The following MYBPC1 variants were observed in gnomAD, a reference collection of about 807,000 sequenced individuals.
MYBPC1 encodes myosin-binding protein C, slow-type.
MYBPC1 carries 52 observed loss-of-function variants against 147.1 expected under a neutral mutation model. That is an observed-to-expected ratio of 0.35 (90% confidence interval 0.28 to 0.45). The LOEUF is 0.45. Among genes scored for constraint, MYBPC1 ranks in the 20% least tolerant of loss-of-function variants. The pLI is 1.00. For synonymous variants in MYBPC1, 477 were observed against 475.9 expected, an observed-to-expected ratio of 1.00 and a Z score of -0.03; for missense variants, 1,228 against 1,440.3, an observed-to-expected ratio of 0.85 and a Z score of 2.39.
chr12:101,627,341 C>G (rs886281272), intron 4 of MYBPC1, among the ~76,000 whole-genome samples: 1 of 152,094 alleles, frequency 6.6e-6, no homozygotes, highest in African/African-American at 2.4e-5. Context: ...CTCCCAGGTT[C>G]AAGTGATTCT....
At chr12:101,651,129 A>G in intron 15 of MYBPC1, 102 bp from the exon 16 acceptor site, 1 of 1,279,726 alleles carries the variant, frequency 7.8e-7, no homozygotes, top group Non-Finnish European at 1.1e-6. Context: ...CACTTTCAAA[A>G]CAAACATTGT....
chr12:101,595,363 T>A (rs1458867118), intron 1 of MYBPC1, among the ~76,000 whole-genome samples: 1 of 152,210 alleles, frequency 6.6e-6, no homozygotes, highest in Non-Finnish European at 1.5e-5. Flanking sequence ...TAAAGAATCC[T>A]TAAAGTGTAA....
At position 101,670,246 on chromosome 12, in the gene MYBPC1, T is replaced by C. The variant is rs1427950904; in HGVS notation, c.2525-75T>C. Reference sequence around the variant, plus strand: ...CACAAGGGTACGCTGGTGAGCATCATGCCATTTTGCTTTTGTAAGGCTATT... The same window carrying C: ...CACAAGGGTACGCTGGTGAGCATCACGCCATTTTGCTTTTGTAAGGCTATT... On this transcript the variant is annotated intron_variant, in intron 23 of 31. Coordinates refer to ENST00000361466, the MANE Select transcript of MYBPC1 (RefSeq NM_002465.4). The C allele has an allele frequency of 3.4e-5, 39 of 1,139,822 alleles. No homozygotes were observed. In the South Asian group the frequency reaches 4.3e-4, roughly 13 times the overall value. 70.6% of individuals were successfully genotyped at this position (1,139,822 alleles called of 1,614,324 possible).
intron 2 of MYBPC1, 132 bp from the exon 3 acceptor site, chr12:101,617,070 C>A: frequency 1.3e-6 from 1 of 770,222 alleles, no homozygotes; most frequent in Non-Finnish European, 2.3e-6. Flanking sequence ...ATGTACAGCA[C>A]GAGTATTCAG....
At chr12:101,605,068 A>G (rs760081891) in intron 1 of MYBPC1, among the ~76,000 whole-genome samples, 9 of 152,228 alleles carry the variant, frequency 5.9e-5, no homozygotes, top group Non-Finnish European at 1.3e-4. Context: ...AGGAAAACAC[A>G]GAAACTCTTA....
At chr12:101,611,946 A>G (rs1163719793) in intron 1 of MYBPC1, among the ~76,000 whole-genome samples, 1 of 151,978 alleles carries the variant, frequency 6.6e-6, no homozygotes, top group East Asian at 1.9e-4. Flanking sequence ...ACATGGTGGC[A>G]TGCACCTATA....
At chr12:101,668,858 G>A (rs775709819) in intron 23 of MYBPC1, among the ~76,000 whole-genome samples, 11 of 152,088 alleles carry the variant, frequency 7.2e-5, no homozygotes, top group Admixed American at 1.3e-4. Flanking sequence ...AGGCTGAGGC[G>A]GGCAGATCAC....
At chr12:101,603,767 C>G (rs1453182511) in intron 1 of MYBPC1, among the ~76,000 whole-genome samples, 3 of 152,058 alleles carry the variant, frequency 2.0e-5, no homozygotes, top group African/African-American at 7.2e-5. Context: ...CATGGTGAAA[C>G]AGCATGAAAA....
chr12:101,691,915 T>A, the MYBPC1 span, among the ~76,000 whole-genome samples: 1 of 152,258 alleles, frequency 6.6e-6, no homozygotes, highest in Admixed American at 6.5e-5. Flanking sequence ...AAAGATAGTC[T>A]GCATTACAAG....
At chr12:101,657,588 C>T (rs926265008) in intron 18 of MYBPC1, among the ~76,000 whole-genome samples, 8 of 152,142 alleles carry the variant, frequency 5.3e-5, no homozygotes, top group African/African-American at 1.7e-4. Context: ...AATTTCACAA[C>T]CTAGTTGAAA....
rs9989014 is a variant in MYBPC1, at chr12:101,606,435, T to G, written c.26-8061T>G. On this transcript the variant is annotated intron_variant, in intron 1 of 31. Coordinates refer to ENST00000361466, the MANE Select transcript of MYBPC1 (RefSeq NM_002465.4). The stretch of plus-strand genomic sequence containing the variant: ...AGCTCCTGAAGATCCCAGACTGTAC[T>G]TTGAGAACCACTAATATAAATCAAT... Among the ~76,000 whole-genome samples the G allele has an allele frequency of 2.4e-3, 359 of 152,002 alleles. 2 individuals carry two copies. The highest frequency in any genetic ancestry group is 8.1e-3 in the African/African-American group (335 of 41,370).
chr12:101,601,592 C>G (rs1879989414), intron 1 of MYBPC1, among the ~76,000 whole-genome samples: 1 of 152,210 alleles, frequency 6.6e-6, no homozygotes, highest in Non-Finnish European at 1.5e-5. Context: ...CCTTTCAAGT[C>G]TAAATCCACT....
intron 8 of MYBPC1, among the ~76,000 whole-genome samples, chr12:101,633,472 A>G (rs1890330705): frequency 6.6e-6 from 1 of 152,080 alleles, no homozygotes; most frequent in African/African-American, 2.4e-5. Context: ...GCAGATCACG[A>G]GGACAGCAGT....
chr12:101,687,203 C>T (rs1357931099), downstream of MYBPC1, among the ~76,000 whole-genome samples: 2 of 152,016 alleles, frequency 1.3e-5, no homozygotes, highest in Non-Finnish European at 2.9e-5. Context: ...AGGTATATCG[C>T]CTAATGCTAT....
intron 20 of MYBPC1, 41 bp from the exon 21 acceptor site, chr12:101,662,317 G>A: frequency 6.2e-7 from 1 of 1,602,746 alleles, no homozygotes; most frequent in East Asian, 2.2e-5. Context: ...TAATTTCAGA[G>A]ACCAAGGAAA....
intron 1 of MYBPC1, among the ~76,000 whole-genome samples, chr12:101,613,267 G>C (rs747809103): frequency 1.3e-5 from 2 of 152,082 alleles, no homozygotes; most frequent in East Asian, 3.9e-4. Flanking sequence ...AGACTAGAAC[G>C]GGGCATTTGG....
rs149426190 is a variant in MYBPC1, at chr12:101,605,665, A to T, written c.26-8831A>T. ...CACCTGAGGTCAGGAGTTTGAGACC[A>T]GCCTGGCCAACATGGTGAAACCTTG... On this transcript the variant is annotated intron_variant, in intron 1 of 31. Transcript: ENST00000361466. Among the ~76,000 whole-genome samples, 1,056 of 152,290 alleles carry T rather than the reference A, an allele frequency of 6.9e-3. 11 individuals are homozygous for T. Among genetic ancestry groups the T allele is most frequent in the African/African-American group, 0.024 (993 of 41,552 alleles).
At chr12:101,666,731 C>G in intron 22 of MYBPC1, 1 of 1,611,374 alleles carries the variant, frequency 6.2e-7, no homozygotes, top group South Asian at 1.1e-5. Context: ...ATTTTAATGA[C>G]GGATTCTCAA....
chr12:101,683,723 T>C (rs1404457394), intron 30 of MYBPC1, among the ~76,000 whole-genome samples: 2 of 152,210 alleles, frequency 1.3e-5, no homozygotes, highest in Non-Finnish European at 2.9e-5. Context: ...CCTGATAATG[T>C]AGATCTATGC....
Sources: gnomAD v4.1 joint callset for allele counts (sites outside exome capture counted in the v4.1 genomes callset) on GRCh38, gnomAD v4.1.1 for gene constraint, MANE v1.5 for transcripts, NCBI Gene and HGNC (gene_info 2026-07-23, HGNC 2026-07-21) for gene names.